Variants in RBFOX1 observed in about 807,000 individuals in gnomAD.
RBFOX1 encodes RNA binding fox-1 homolog 1, also known as RNA binding protein fox-1 homolog 1.
Under a neutral mutation model 57.7 loss-of-function variants are expected in RBFOX1, and 8 were observed. The observed-to-expected ratio is 0.14, with a 90% CI of 0.08 to 0.25. The LOEUF (loss-of-function observed/expected upper bound fraction) is 0.25. Ranked by LOEUF, RBFOX1 falls within the 10% of genes least tolerant of loss-of-function variation. RBFOX1 has a pLI of 1.00. For missense variants in RBFOX1, 611 were observed against 548.5 expected (o/e 1.11, Z -1.14); for synonymous variants, 326 against 222.4 (o/e 1.47, Z -4.15).
At position 6,159,138 on chromosome 16, in the gene RBFOX1, G is replaced by T. The variant is rs542808185; in HGVS notation, c.-127+139146G>T. Reference sequence around the variant, plus strand: ...GTCACCTAGGCTGGAGTTCATTGGCGTGATCTCAGCTCACTGCAACCTCTG... The same window carrying T: ...GTCACCTAGGCTGGAGTTCATTGGCTTGATCTCAGCTCACTGCAACCTCTG... On this transcript the variant is annotated intron_variant, in intron 1 of 15. Coordinates refer to ENST00000550418, the MANE Select transcript of RBFOX1 (RefSeq NM_018723.4). 7.2e-5 allele frequency among the ~76,000 whole-genome samples: 11 copies of T among 152,160 alleles called. No individual in the cohort carries two copies. In the East Asian group the frequency reaches 1.9e-3, roughly 27 times the overall value.
intron 3 of RBFOX1, among the ~76,000 whole-genome samples, chr16:6,884,005 C>G (rs146927425): frequency 6.6e-6 from 1 of 152,232 alleles, no homozygotes; most frequent in Non-Finnish European, 1.5e-5. Flanking sequence ...GAGTCACACA[C>G]AAGGAGGGGG....
At chr16:6,279,055 A>G (rs1256524134) in intron 1 of RBFOX1, among the ~76,000 whole-genome samples, 1 of 152,154 alleles carries the variant, frequency 6.6e-6, no homozygotes, top group Non-Finnish European at 1.5e-5. Context: ...AGGTGGTGAT[A>G]AATCATTGCA....
intron 3 of RBFOX1, among the ~76,000 whole-genome samples, chr16:7,001,416 A>T (rs201455813): frequency 0.015 from 2,146 of 139,190 alleles, 49 homozygotes; most frequent in African/African-American, 0.052. Context: ...GTATATGTAT[A>T]TGTATATGTA....
At chr16:5,687,731 C>G (rs1477011309) in intron 3 of RBFOX1, among the ~76,000 whole-genome samples, 1 of 152,192 alleles carries the variant, frequency 6.6e-6, no homozygotes, top group Non-Finnish European at 1.5e-5. Context: ...CCCCTTCATT[C>G]TCAGGAAAAC....
intron 5 of RBFOX1, among the ~76,000 whole-genome samples, chr16:7,522,684 C>A (rs766589626): frequency 2.0e-5 from 3 of 152,054 alleles, no homozygotes; most frequent in Non-Finnish European, 2.9e-5. Flanking sequence ...AACAAGGTCC[C>A]TACGTGGGGC....
intron 4 of RBFOX1, among the ~76,000 whole-genome samples, chr16:7,198,310 A>C (rs1602700290): frequency 1.3e-5 from 2 of 151,778 alleles, no homozygotes; most frequent in South Asian, 2.1e-4. Flanking sequence ...TGGCCAATAT[A>C]CCCGGTGGTT....
chr16:6,677,533 A>T (rs2057942759), intron 3 of RBFOX1, among the ~76,000 whole-genome samples: 1 of 152,170 alleles, frequency 6.6e-6, no homozygotes, highest in Non-Finnish European at 1.5e-5. Context: ...AACATCAGGG[A>T]GCTAGGATTA....
chr16:6,418,402 A>G (rs901763115), intron 2 of RBFOX1, among the ~76,000 whole-genome samples: 6 of 152,286 alleles, frequency 3.9e-5, no homozygotes, highest in Admixed American at 3.9e-4. Context: ...GAATATGTCT[A>G]TAAACCTGGG....
intron 11 of RBFOX1, among the ~76,000 whole-genome samples, chr16:7,635,430 A>C (rs1016202330): frequency 3.3e-5 from 5 of 152,214 alleles, no homozygotes; most frequent in African/African-American, 1.2e-4. Context: ...GCAAATAAAC[A>C]TACACACCAT....
In RBFOX1 at chr16:5,514,530, C is replaced by G. The variant is rs74004357; in HGVS notation, c.258+47276C>G. Among the ~76,000 whole-genome samples the G allele has an allele frequency of 7.7e-3, 1,175 of 152,226 alleles. 20 individuals carry two copies. Among genetic ancestry groups the G allele is most frequent in the African/African-American group, 0.027 (1,129 of 41,520 alleles). Reference sequence around the variant, plus strand: ...GTGAGAGGAGCCATGAGTGACAGGGCAGAAGGCATAGTGTGGGTACACGAA... The same window carrying G: ...GTGAGAGGAGCCATGAGTGACAGGGGAGAAGGCATAGTGTGGGTACACGAA... On this transcript the variant is annotated intron_variant, in intron 2 of 2. Transcript: ENST00000585867.
At chr16:5,973,512 A>G (rs2060002844) in intron 4 of RBFOX1, among the ~76,000 whole-genome samples, 1 of 152,210 alleles carries the variant, frequency 6.6e-6, no homozygotes, top group South Asian at 2.1e-4. Context: ...CAGAAAAGTC[A>G]TATACGCAGG....
intron 3 of RBFOX1, among the ~76,000 whole-genome samples, chr16:6,821,978 G>A (rs985975545): frequency 1.3e-5 from 2 of 152,146 alleles, no homozygotes; most frequent in Non-Finnish European, 2.9e-5. Context: ...GTTTGGGGAT[G>A]GATGATACTT....
chr16:7,658,645 C>A (rs373735820), intron 12 of RBFOX1, among the ~76,000 whole-genome samples: 1 of 152,156 alleles, frequency 6.6e-6, no homozygotes, highest in South Asian at 2.1e-4. Context: ...CCAATCCCCT[C>A]CCTCAAAGAG....
chr16:6,021,061 G>A (rs889622270), intron 1 of RBFOX1, among the ~76,000 whole-genome samples: 1 of 152,202 alleles, frequency 6.6e-6, no homozygotes, highest in African/African-American at 2.4e-5. Context: ...GGAAATCCTG[G>A]TCAGGCAGTC....
intron 3 of RBFOX1, among the ~76,000 whole-genome samples, chr16:5,626,174 C>G (rs1804847237): frequency 6.6e-6 from 1 of 152,238 alleles, no homozygotes; most frequent in Non-Finnish European, 1.5e-5. Flanking sequence ...GCCACCACAC[C>G]TGACCTCTTT....
chr16:7,198,006 T>TTC (rs1181661512), intron 4 of RBFOX1, among the ~76,000 whole-genome samples: 2 of 49,946 alleles, frequency 4.0e-5, no homozygotes, highest in Admixed American at 3.4e-4. Flanking sequence ...TTCTTTTTTT[T>TTC]TTTTTTTTTT....
chr16:6,279,849 G>A (rs1244033685), intron 1 of RBFOX1, among the ~76,000 whole-genome samples: 2 of 151,926 alleles, frequency 1.3e-5, no homozygotes, highest in African/African-American at 4.8e-5. Flanking sequence ...CTGGGATCTG[G>A]GGAGAGAGGA....
chr16:7,498,682 A>G lies in RBFOX1; in HGVS notation c.28-19465A>G, dbSNP rs960275793. On this transcript the variant is annotated intron_variant, in intron 4 of 15. Coordinates refer to ENST00000550418, the MANE Select transcript of RBFOX1 (RefSeq NM_018723.4). ...GAAATCTGGCGTGCAGTTGCCATGT[A>G]CAGTACGCGTCATTTCAGACCAGCC... 1.6e-4 allele frequency among the ~76,000 whole-genome samples: 25 copies of G among 152,256 alleles called. 1 individual carries two copies. In the South Asian group the frequency reaches 4.8e-3, roughly 29 times the overall value.
chr16:6,830,708 C>G (rs1273776572), intron 3 of RBFOX1, among the ~76,000 whole-genome samples: 1 of 152,160 alleles, frequency 6.6e-6, no homozygotes, highest in African/African-American at 2.4e-5. Flanking sequence ...AGAAACGTTG[C>G]TCTATCATGG....
Sources: gnomAD v4.1 joint callset for allele counts (sites outside exome capture counted in the v4.1 genomes callset) on GRCh38, gnomAD v4.1.1 for gene constraint, MANE v1.5 for transcripts, NCBI Gene and HGNC (gene_info 2026-07-23, HGNC 2026-07-21) for gene names.